MPPED2: variants seen among roughly 807,000 people sequenced by gnomAD.
MPPED2 encodes metallophosphoesterase domain containing 2, also known as metallophosphoesterase MPPED2.
Under a neutral mutation model 33.0 loss-of-function variants are expected in MPPED2, and 5 were observed. That is an observed-to-expected ratio of 0.15 (90% CI 0.08 to 0.32). The LOEUF (loss-of-function observed/expected upper bound fraction) is 0.32. Ranked by LOEUF, MPPED2 falls within the 10% of genes least tolerant of loss-of-function variation. The probability of loss-of-function intolerance (pLI) is 1.00; values close to 1 mark genes in which losing one functional copy is unlikely to be tolerated. For synonymous variants in MPPED2, 136 were observed against 141.9 expected (o/e 0.96, Z 0.29); for missense variants, 275 against 372.1 (o/e 0.74, Z 2.15).
At chr11:30,453,573 G>A (rs1161139375) in intron 4 of MPPED2, among the ~76,000 whole-genome samples, 2 of 152,178 alleles carry the variant, frequency 1.3e-5, no homozygotes, top group South Asian at 2.1e-4. Flanking sequence ...GTATGGAGAC[G>A]TTCTCTCTGA....
At position 30,586,082 on chromosome 11, in the gene MPPED2, C is replaced by A. The variant is rs1392606087; in HGVS notation, c.-162G>T. 31 of 152,264 alleles carry A rather than the reference C, an allele frequency of 2.0e-4. No homozygotes were observed. Among genetic ancestry groups the A allele is most frequent in the Admixed American group, 2.0e-3 (31 of 15,290 alleles). The allele number at this position is 152,264 out of a possible 1,614,324, so 9.4% of individuals were successfully genotyped here. A position where few individuals can be genotyped will look rare whatever the true frequency, so the allele number is the denominator to read the frequency against. On this transcript the variant is annotated 5_prime_UTR_variant, in exon 1 of 7. Transcript: ENST00000358117. The surrounding 1 kb of genome is among the most constrained non-coding windows in gnomAD (Gnocchi z 4.8). ...CTCCGGATCCCGGGGATGCCTTCAGCGCCCGGCGAGCAGGCGATCCATAGC... is the reference window on the plus strand; with the variant it reads ...CTCCGGATCCCGGGGATGCCTTCAGAGCCCGGCGAGCAGGCGATCCATAGC...
chr11:30,502,572 G>A (rs1952618938), intron 3 of MPPED2, among the ~76,000 whole-genome samples: 1 of 152,164 alleles, frequency 6.6e-6, no homozygotes, highest in African/African-American at 2.4e-5. Context: ...GTGAAGAGAA[G>A]GCCAACTTTA....
At chr11:30,390,070 G>A (rs1947752403) in intron 6 of MPPED2, among the ~76,000 whole-genome samples, 1 of 152,136 alleles carries the variant, frequency 6.6e-6, no homozygotes, top group Non-Finnish European at 1.5e-5. Flanking sequence ...TCGAAATGCA[G>A]GCATCTAACT....
intron 3 of MPPED2, among the ~76,000 whole-genome samples, chr11:30,518,047 G>A (rs1953634837): frequency 6.6e-6 from 1 of 152,030 alleles, no homozygotes; most frequent in South Asian, 2.1e-4. Flanking sequence ...CAATTCCCAG[G>A]CAGGCAAAGA....
intron 3 of MPPED2, among the ~76,000 whole-genome samples, chr11:30,508,994 A>G (rs963346561): frequency 6.6e-6 from 1 of 152,202 alleles, no homozygotes; most frequent in African/African-American, 2.4e-5. Context: ...AAATAATTCT[A>G]TATTGCCTGA....
intron 4 of MPPED2, among the ~76,000 whole-genome samples, chr11:30,466,941 T>A (rs1950733858): frequency 6.6e-6 from 1 of 152,216 alleles, no homozygotes; most frequent in African/African-American, 2.4e-5. Context: ...TGAATACGTG[T>A]GTGTATGTAT....
At chr11:30,393,177 G>T (rs1947801061) in intron 6 of MPPED2, among the ~76,000 whole-genome samples, 1 of 152,040 alleles carries the variant, frequency 6.6e-6, no homozygotes, top group Non-Finnish European at 1.5e-5. Context: ...ACACCTGCTG[G>T]GTACTCAGGA....
intron 6 of MPPED2, among the ~76,000 whole-genome samples, chr11:30,401,944 G>A (rs1162887844): frequency 6.6e-6 from 1 of 151,540 alleles, no homozygotes; most frequent in East Asian, 1.9e-4. Flanking sequence ...TGATCCGCCT[G>A]CCTCGGCCTC....
chr11:30,504,829 C>T (rs1456197555), intron 3 of MPPED2: 7 of 1,281,768 alleles, frequency 5.5e-6, no homozygotes, highest in Middle Eastern at 2.1e-4. Flanking sequence ...AATGGGAAAC[C>T]AGGTCTAAGA....
chr11:30,577,387 C>T (rs893912584), intron 2 of MPPED2, among the ~76,000 whole-genome samples: 84 of 152,110 alleles, frequency 5.5e-4, no homozygotes, highest in Non-Finnish European at 1.0e-3. Flanking sequence ...CTTCAGAAAT[C>T]TCAAGTGTAA....
At chr11:30,414,936 T>C (rs140207011) in intron 5 of MPPED2, among the ~76,000 whole-genome samples, 5 of 152,312 alleles carry the variant, frequency 3.3e-5, no homozygotes, top group African/African-American at 1.2e-4. Context: ...CTGGGGCTAA[T>C]TGACTACTTT....
At chr11:30,426,182 C>T (rs898148249) in intron 4 of MPPED2, among the ~76,000 whole-genome samples, 1 of 152,144 alleles carries the variant, frequency 6.6e-6, no homozygotes, top group Non-Finnish European at 1.5e-5. Context: ...TCCCCCAGTC[C>T]CTAGTAACCA....
chr11:30,521,542 A>G (rs1953878707), intron 3 of MPPED2, among the ~76,000 whole-genome samples: 2 of 152,354 alleles, frequency 1.3e-5, no homozygotes, highest in Admixed American at 6.5e-5. Flanking sequence ...TCTGGTCAGC[A>G]GTCTAGCAGC....
At chr11:30,552,690 C>G (rs1334427106) in intron 2 of MPPED2, among the ~76,000 whole-genome samples, 1 of 152,144 alleles carries the variant, frequency 6.6e-6, no homozygotes, top group African/African-American at 2.4e-5. Context: ...AACGTTTTCA[C>G]TGGCTGTGGG....
intron 2 of MPPED2, among the ~76,000 whole-genome samples, chr11:30,544,018 C>T (rs993679419): frequency 1.5e-4 from 23 of 152,106 alleles, no homozygotes; most frequent in African/African-American, 5.6e-4. Context: ...GCCCACTGCA[C>T]GGAGTGTGTC....
chr11:30,389,327 C>T (rs970936177), intron 6 of MPPED2, among the ~76,000 whole-genome samples: 3 of 152,154 alleles, frequency 2.0e-5, no homozygotes, highest in Non-Finnish European at 4.4e-5. Context: ...TGTGTGTGGT[C>T]ACCCGCAGAA....
chr11:30,461,807 C>G (rs1467391856), intron 4 of MPPED2, among the ~76,000 whole-genome samples: 1 of 152,184 alleles, frequency 6.6e-6, no homozygotes, highest in Non-Finnish European at 1.5e-5. Flanking sequence ...ACAATTTTAT[C>G]TCTAGAATTT....
Position 30,402,242 on chromosome 11 carries a change from C to T in MPPED2, c.766+11986G>A, listed in dbSNP as rs115914219. 3.6e-3 allele frequency among the ~76,000 whole-genome samples: 555 copies of T among 152,246 alleles called. 5 individuals carry two copies. The highest frequency in any genetic ancestry group is 0.013 in the African/African-American group (524 of 41,528). On this transcript the variant is annotated intron_variant, in intron 6 of 6. Transcript: ENST00000448418. Reference sequence around the variant, plus strand: ...CTGCAAATACTACGAACAACTGCAGCGCTACTGGCCTGGATATAAATATTC... The same window carrying T: ...CTGCAAATACTACGAACAACTGCAGTGCTACTGGCCTGGATATAAATATTC...
chr11:30,449,877 C>T (rs1370410232), intron 4 of MPPED2, among the ~76,000 whole-genome samples: 4 of 152,056 alleles, frequency 2.6e-5, no homozygotes, highest in African/African-American at 4.8e-5. Flanking sequence ...CCAAAATTTC[C>T]AAGTCATGTT....
Sources: allele counts gnomAD v4.1 joint callset (sites outside exome capture counted in the v4.1 genomes callset), GRCh38; gene constraint gnomAD v4.1.1; non-coding constraint Gnocchi (gnomAD v3.1); transcripts MANE v1.5; gene names NCBI Gene and HGNC (gene_info 2026-07-23, HGNC 2026-07-21).